The following STXBP5L variants were observed in gnomAD, a reference collection of about 807,000 sequenced individuals.
STXBP5L encodes syntaxin-binding protein 5-like.
Under a neutral mutation model 144.5 loss-of-function variants are expected in STXBP5L, and 65 were observed. The ratio of observed to expected loss-of-function variants is 0.45; its 90% CI spans 0.37 to 0.55. The LOEUF (loss-of-function observed/expected upper bound fraction) is 0.55, where lower values mean the gene tolerates loss of function less well. Among genes scored for constraint, STXBP5L ranks in the 20% least tolerant of loss-of-function variants. The pLI is 0.00. For synonymous variants in STXBP5L, 505 were observed against 469.6 expected, an observed-to-expected ratio of 1.08 and a Z score of -0.97; for missense variants, 1,298 against 1,405.5, an observed-to-expected ratio of 0.92 and a Z score of 1.22.
At chr3:121,106,479 A>C (rs2043714535) in intron 5 of STXBP5L, among the ~76,000 whole-genome samples, 1 of 152,122 alleles carries the variant, frequency 6.6e-6, no homozygotes, top group Non-Finnish European at 1.5e-5. Context: ...CTACTTAATA[A>C]GTGAGAACAT....
chr3:121,089,756 G>A (rs895249970), intron 5 of STXBP5L, among the ~76,000 whole-genome samples: 1 of 151,490 alleles, frequency 6.6e-6, no homozygotes, highest in African/African-American at 2.4e-5. Flanking sequence ...CTGAAGCTCT[G>A]GTATTTTTTT....
At position 121,254,905 on chromosome 3, in the gene STXBP5L, G is replaced by T. The variant is rs2050155707; in HGVS notation, c.1452G>T (p.Gln484His). The change falls in exon 16 of 27, where the codon CAG becomes CAT. Residue 484 changes from glutamine (Q) to histidine (H), a missense_variant. Coordinates refer to ENST00000471454, the MANE Select transcript of STXBP5L (RefSeq NM_001308330.2). ...TTCGATGTCTTATAGTAACTCTGCAGATGCTGTACAAGCTAAAAACTTCAA... is the reference window on the plus strand; with the variant it reads ...TTCGATGTCTTATAGTAACTCTGCATATGCTGTACAAGCTAAAAACTTCAA... ...KFWDASAITL[Q>H]MLYKLKTSKV... The T allele has an allele frequency of 6.2e-7, 1 of 1,611,052 alleles. No homozygotes were observed. The highest frequency in any genetic ancestry group is 1.7e-5 in the Admixed American group (1 of 59,548).
At chr3:121,124,592 A>T (rs1437531817) in intron 7 of STXBP5L, among the ~76,000 whole-genome samples, 1 of 152,022 alleles carries the variant, frequency 6.6e-6, no homozygotes, top group Non-Finnish European at 1.5e-5. Context: ...ATAACTGATT[A>T]TCTTTAGATT....
intron 18 of STXBP5L, among the ~76,000 whole-genome samples, chr3:121,268,015 C>A (rs2050627214): frequency 6.6e-6 from 1 of 152,138 alleles, no homozygotes; most frequent in Admixed American, 6.5e-5. Context: ...CCTCAAGGAT[C>A]TCAAACCAGA....
intron 19 of STXBP5L, among the ~76,000 whole-genome samples, chr3:121,314,463 C>T (rs1401738529): frequency 7.1e-6 from 1 of 141,762 alleles, no homozygotes; most frequent in Non-Finnish European, 1.5e-5. Context: ...GGCGTGGCGG[C>T]GCGCGCCTGC....
intron 11 of STXBP5L, among the ~76,000 whole-genome samples, chr3:121,230,642 C>T (rs895975262): frequency 6.6e-6 from 1 of 152,018 alleles, no homozygotes; most frequent in African/African-American, 2.4e-5. Flanking sequence ...GAATACTCAT[C>T]TATTTATAAG....
intron 9 of STXBP5L, among the ~76,000 whole-genome samples, chr3:121,170,674 A>G (rs771580996): frequency 1.3e-5 from 2 of 152,192 alleles, no homozygotes; most frequent in Non-Finnish European, 2.9e-5. Flanking sequence ...GACCAATTAC[A>G]AGTTCTAAAA....
chr3:121,370,342 C>T (rs537849039), intron 20 of STXBP5L, among the ~76,000 whole-genome samples: 10 of 152,224 alleles, frequency 6.6e-5, no homozygotes, highest in African/African-American at 2.4e-4. Context: ...CACTCCACCC[C>T]GGGCAACAGA....
At chr3:121,050,473 C>G (rs965250932) in intron 5 of STXBP5L, among the ~76,000 whole-genome samples, 1 of 152,046 alleles carries the variant, frequency 6.6e-6, no homozygotes. Context: ...AATTTCATAT[C>G]CAGCCAAACT....
intron 26 of STXBP5L, 44 bp from the exon 27 acceptor site, chr3:121,419,012 T>C: frequency 3.1e-6 from 5 of 1,593,460 alleles, no homozygotes; most frequent in Non-Finnish European, 4.3e-6. Context: ...AATAGCACTT[T>C]TAAAGTATTT....
chr3:121,320,412 T>C (rs2043930320), intron 20 of STXBP5L, among the ~76,000 whole-genome samples: 1 of 152,190 alleles, frequency 6.6e-6, no homozygotes, highest in South Asian at 2.1e-4. Context: ...TTTTGGATTA[T>C]CTACGTATCT....
intron 2 of STXBP5L, among the ~76,000 whole-genome samples, chr3:120,947,565 A>G (rs1312828840): frequency 6.6e-6 from 1 of 151,878 alleles, no homozygotes; most frequent in African/African-American, 2.4e-5. Flanking sequence ...GATCAATTTT[A>G]GAACATTTCC....
chr3:121,368,047 T>C (rs1048840474), intron 20 of STXBP5L, among the ~76,000 whole-genome samples: 3 of 152,106 alleles, frequency 2.0e-5, no homozygotes, highest in Non-Finnish European at 4.4e-5. Flanking sequence ...TCAGTCATTA[T>C]TTATTCAAAT....
At chr3:121,054,484 C>T (rs868309269) in intron 5 of STXBP5L, among the ~76,000 whole-genome samples, 2 of 150,678 alleles carry the variant, frequency 1.3e-5, no homozygotes, top group African/African-American at 4.9e-5. Context: ...CAAACTATCA[C>T]AAGGACAAGA....
chr3:120,963,799 G>A (rs1474917889), intron 3 of STXBP5L, among the ~76,000 whole-genome samples: 1 of 152,122 alleles, frequency 6.6e-6, no homozygotes, highest in Non-Finnish European at 1.5e-5. Context: ...AATGAATTTG[G>A]GAGGATTTCC....
At chr3:121,329,288 A>G (rs991302695) in intron 20 of STXBP5L, among the ~76,000 whole-genome samples, 2 of 152,136 alleles carry the variant, frequency 1.3e-5, no homozygotes, top group African/African-American at 2.4e-5. Flanking sequence ...ATAACCTGCA[A>G]TTCTTCTTAA....
intron 19 of STXBP5L, among the ~76,000 whole-genome samples, chr3:121,308,803 A>G (rs1051140539): frequency 2.0e-5 from 3 of 152,152 alleles, no homozygotes; most frequent in African/African-American, 4.8e-5. Context: ...AGTAGTAATT[A>G]TAATGTTTTA....
intron 3 of STXBP5L, among the ~76,000 whole-genome samples, chr3:120,974,534 C>G (rs1030341632): frequency 2.6e-5 from 4 of 152,074 alleles, no homozygotes; most frequent in Non-Finnish European, 5.9e-5. Context: ...TGTGCAGAAG[C>G]TCTTTAGTTT....
At chr3:121,409,004 T>A (rs1419730837) in intron 23 of STXBP5L, among the ~76,000 whole-genome samples, 1 of 151,938 alleles carries the variant, frequency 6.6e-6, no homozygotes, top group Admixed American at 6.6e-5. Flanking sequence ...AAATTGAGAA[T>A]AAATATTTGA....
Sources: allele counts gnomAD v4.1 joint callset (sites outside exome capture counted in the v4.1 genomes callset), GRCh38; gene constraint gnomAD v4.1.1; transcripts MANE v1.5; gene names NCBI Gene and HGNC (gene_info 2026-07-23, HGNC 2026-07-21).